The following TOP1MT variants were observed in gnomAD, a reference collection of about 807,000 sequenced individuals.
TOP1MT encodes DNA topoisomerase I, mitochondrial.
A neutral mutation model predicts 73.9 loss-of-function variants in TOP1MT; 80 were observed. That is an observed-to-expected ratio of 1.08 (90% CI 0.90 to 1.30). TOP1MT has a LOEUF of 1.30. Among genes scored for constraint, TOP1MT ranks in the 50% most tolerant of loss-of-function variants. The probability of loss-of-function intolerance (pLI) is 0.00; values close to 1 mark genes in which losing one functional copy is unlikely to be tolerated. For missense variants in TOP1MT, 815 were observed against 808.0 expected, an observed-to-expected ratio of 1.01 and a Z score of -0.10; for synonymous variants, 338 against 326.4, an observed-to-expected ratio of 1.04 and a Z score of -0.38.
chr8:143,315,004 C>T (rs903471639), intron 12 of TOP1MT, among the ~76,000 whole-genome samples: 3 of 152,146 alleles, frequency 2.0e-5, no homozygotes, highest in Admixed American at 1.3e-4. Context: ...AGCGGTAACG[C>T]CAGCGTCTGG....
At chr8:143,332,539 G>A (rs901665063) in intron 1 of TOP1MT, 1 of 1,289,418 alleles carries the variant, frequency 7.8e-7, no homozygotes, top group Non-Finnish European at 1.0e-6. Flanking sequence ...TGCTGTTGGG[G>A]GCCTGGTGGG....
intron 10 of TOP1MT, among the ~76,000 whole-genome samples, chr8:143,317,059 G>A (rs540729543): frequency 1.4e-4 from 21 of 152,340 alleles, no homozygotes; most frequent in Non-Finnish European, 2.2e-4. Flanking sequence ...AACACATGCC[G>A]AGCGTCAGCG....
chr8:143,334,916 C>T, upstream of TOP1MT: 1 of 1,303,326 alleles, frequency 7.7e-7, no homozygotes. Context: ...CGGCCAGCCC[C>T]GCCCCGCCCC....
upstream of TOP1MT, chr8:143,359,295 C>T (rs1032175318): frequency 3.0e-6 from 3 of 985,058 alleles, no homozygotes. Flanking sequence ...GCCAGCAAAG[C>T]GATCCAGGAG....
In TOP1MT at chr8:143,324,521, G is replaced by C. The variant is rs1816651304; in HGVS notation, c.780C>G (p.Ile260Met). The C allele has an allele frequency of 6.2e-7, 1 of 1,613,994 alleles. No individual in the cohort carries two copies. The highest frequency in any genetic ancestry group is 8.5e-7 in the Non-Finnish European group (1 of 1,180,028). The stretch of plus-strand genomic sequence containing the variant: ...AGCAAGGGTTCAGCATGATGTACTT[G>C]ATGGAGTTCTGAACGCTCTCGGTCC... ...AAWTESVQNS[I>M]KYIMLNPCSK... is the part of the protein sequence containing the mutation. Residue 260 changes from isoleucine to methionine, a missense_variant, in exon 6 of 14, where the codon ATC becomes ATG. Physicochemically the swap from Ile to Met is conservative, Grantham distance 10. Around this residue, in one of 3 missense-constraint regions of TOP1MT, gnomAD observed 751 missense variants for 725.4 expected, o/e 1.04. Coordinates refer to ENST00000329245, the MANE Select transcript of TOP1MT (RefSeq NM_052963.3).
intron 1 of TOP1MT, among the ~76,000 whole-genome samples, chr8:143,333,588 C>T (rs1563767685): frequency 6.6e-6 from 1 of 152,226 alleles, no homozygotes; most frequent in South Asian, 2.1e-4. Flanking sequence ...TGCCGGCCAG[C>T]GGCCAGGCAG....
At chr8:143,317,085 C>T (rs976715149) in intron 10 of TOP1MT, among the ~76,000 whole-genome samples, 2 of 152,250 alleles carry the variant, frequency 1.3e-5, no homozygotes, top group African/African-American at 2.4e-5. Flanking sequence ...GAGCACCCAG[C>T]CTCGGCGCCT....
intron 1 of TOP1MT, among the ~76,000 whole-genome samples, chr8:143,354,359 G>A: frequency 6.6e-6 from 1 of 152,076 alleles, no homozygotes; most frequent in African/African-American, 2.4e-5. Flanking sequence ...CAAATCCATG[G>A]AAATAGAAAG....
upstream of TOP1MT, among the ~76,000 whole-genome samples, chr8:143,356,584 G>A (rs1471837501): frequency 7.3e-5 from 10 of 136,604 alleles, no homozygotes; most frequent in African/African-American, 1.9e-4. Flanking sequence ...TCAGGAGTTT[G>A]AGACCAGCCT....
At chr8:143,325,973 C>T (rs2130239891) in intron 4 of TOP1MT, among the ~76,000 whole-genome samples, 1 of 152,340 alleles carries the variant, frequency 6.6e-6, no homozygotes, top group East Asian at 1.9e-4. Flanking sequence ...AGCCCACGGC[C>T]CGTCTGGGAA....
intron 13 of TOP1MT, 63 bp from the exon 14 acceptor site, chr8:143,309,606 G>A: frequency 6.2e-7 from 1 of 1,604,146 alleles, no homozygotes; most frequent in Non-Finnish European, 8.5e-7. Context: ...GCCAGGTCAG[G>A]GTGCTCGGCA....
intron 1 of TOP1MT, among the ~76,000 whole-genome samples, chr8:143,355,097 A>G (rs1817385674): frequency 6.6e-6 from 1 of 152,190 alleles, no homozygotes; most frequent in African/African-American, 2.4e-5. Flanking sequence ...CCCAGCTCAC[A>G]GCCGGGATGG....
chr8:143,353,001 T>G (rs1022979714), intron 1 of TOP1MT, among the ~76,000 whole-genome samples: 8 of 152,150 alleles, frequency 5.3e-5, no homozygotes, highest in African/African-American at 1.9e-4. Flanking sequence ...ACTGAAAACT[T>G]TTGTGCTTCA....
Position 143,329,386 on chromosome 8 carries a change from C to T in TOP1MT, c.324G>A (p.Glu108=), listed in dbSNP as rs1816790745. ...CATTGAAGAAGTTCTTCCGGAAAAC[C>T]TCCTTTGTTGTGTATTCATGATCTA... ...RMLDHEYTTK[E]VFRKNFFNDW... The change falls in exon 3 of 14, where the codon GAG becomes GAA. Residue 108 remains glutamate, a synonymous_variant. Transcript: ENST00000329245. 1 of 1,608,010 alleles carries T rather than the reference C, an allele frequency of 6.2e-7. No individual in the cohort carries two copies. The highest frequency in any genetic ancestry group is 1.7e-5 in the Admixed American group (1 of 58,204).
In TOP1MT at chr8:143,317,716, G is replaced by T. The variant is rs2272636; in HGVS notation, c.1330+7C>A. 893,235 of 1,610,736 alleles carry T rather than the reference G, an allele frequency of 0.55. 254,505 individuals are homozygous for T. Among genetic ancestry groups the T allele is most frequent in the East Asian group, 0.78 (34,809 of 44,808 alleles). ...CCGCGCTGAGTGTGGGTGTGGGGCAGGCTCACCGCGCGTCAGGGCCCGCAG... is the reference window on the plus strand; with the variant it reads ...CCGCGCTGAGTGTGGGTGTGGGGCATGCTCACCGCGCGTCAGGGCCCGCAG... On this transcript the variant is annotated splice_region_variant and intron_variant, in intron 10 of 13. Coordinates refer to ENST00000329245, the MANE Select transcript of TOP1MT (RefSeq NM_052963.3).
intron 12 of TOP1MT, among the ~76,000 whole-genome samples, chr8:143,311,117 A>ATTTTTTTTTTTT (rs769172231): frequency 6.6e-5 from 7 of 106,834 alleles, no homozygotes; most frequent in Non-Finnish European, 1.3e-4. Context: ...CACGCACATG[A>ATTTTTTTTTTTT]TTTTTTTTTT....
At chr8:143,332,546 T>C in intron 1 of TOP1MT, 1 of 1,289,382 alleles carries the variant, frequency 7.8e-7, no homozygotes, top group Non-Finnish European at 1.0e-6. Flanking sequence ...GGGGGCCTGG[T>C]GGGCCTGGTC....
intron 12 of TOP1MT, chr8:143,310,478 T>A (rs942213967): frequency 2.8e-6 from 1 of 358,976 alleles, no homozygotes; most frequent in Non-Finnish European, 5.0e-6. Context: ...GAGGGTGAGA[T>A]GCTCGACACA....
chr8:143,329,524 C>G (rs1343989700), intron 2 of TOP1MT, 53 bp from the exon 3 acceptor site: 1 of 1,583,202 alleles, frequency 6.3e-7, no homozygotes, highest in African/African-American at 1.4e-5. Context: ...GGCTCGGCCT[C>G]CAGCTGACAT....
Sources: gnomAD v4.1 joint callset for allele counts (sites outside exome capture counted in the v4.1 genomes callset) on GRCh38, gnomAD v4.1.1 for gene constraint, gnomAD v4.1.1 regional missense constraint, MANE v1.5 for transcripts, NCBI Gene and HGNC (gene_info 2026-07-23, HGNC 2026-07-21) for gene names.